PTPRK: variants seen among roughly 807,000 people sequenced by gnomAD.
PTPRK encodes the protein protein tyrosine phosphatase receptor type K.
Under a neutral mutation model 178.0 loss-of-function variants are expected in PTPRK, and 75 were observed. That is an observed-to-expected ratio of 0.42 (90% confidence interval 0.35 to 0.51). The LOEUF (loss-of-function observed/expected upper bound fraction) is 0.51, where lower values mean the gene tolerates loss of function less well. Among genes scored for constraint, PTPRK ranks in the 20% least tolerant of loss-of-function variants. The pLI, the probability that PTPRK is intolerant of heterozygous loss-of-function variation, is 0.02. For missense variants in PTPRK, 1,441 were observed against 1,797.8 expected (o/e 0.80, Z 3.59); for synonymous variants, 637 against 620.6 (o/e 1.03, Z -0.39).
chr6:128,033,157 G>A (rs1775635805), intron 13 of PTPRK, among the ~76,000 whole-genome samples: 1 of 152,144 alleles, frequency 6.6e-6, no homozygotes, highest in African/African-American at 2.4e-5. Flanking sequence ...TATACTCCCT[G>A]AGTAATAACT....
chr6:128,028,132 A>G (rs544662504), intron 13 of PTPRK, among the ~76,000 whole-genome samples: 34 of 152,196 alleles, frequency 2.2e-4, no homozygotes, highest in Non-Finnish European at 4.3e-4. Context: ...TGCACACACT[A>G]TTTATAATAA....
intron 3 of PTPRK, among the ~76,000 whole-genome samples, chr6:128,285,041 A>T (rs1583899133): frequency 6.6e-6 from 1 of 152,196 alleles, no homozygotes; most frequent in African/African-American, 2.4e-5. Context: ...CTCAGTTTAC[A>T]TACCAATACT....
At position 128,116,971 on chromosome 6, in the gene PTPRK, C is replaced by G. The variant is rs530927911; in HGVS notation, c.1163-26979G>C. Reference sequence around the variant, plus strand: ...ACCATCCTGGCTAATATGGTGAAACCCTGTCTCTACTAAAAATACAAAAAA... The same window carrying G: ...ACCATCCTGGCTAATATGGTGAAACGCTGTCTCTACTAAAAATACAAAAAA... On this transcript the variant is annotated intron_variant, in intron 7 of 29. Transcript: ENST00000368226. Among the ~76,000 whole-genome samples, 6 of 152,044 alleles carry G rather than the reference C, an allele frequency of 3.9e-5. No homozygotes were observed. The South Asian group carries it at 1.0e-3, about 26-fold the overall frequency.
intron 1 of PTPRK, among the ~76,000 whole-genome samples, chr6:128,410,206 C>A (rs1253065105): frequency 6.6e-6 from 1 of 152,178 alleles, no homozygotes; most frequent in Admixed American, 6.5e-5. Context: ...AAGATTCTTT[C>A]ATGAAATGCA....
intron 7 of PTPRK, among the ~76,000 whole-genome samples, chr6:128,118,066 A>C (rs900253204): frequency 3.3e-5 from 5 of 152,238 alleles, no homozygotes; most frequent in Non-Finnish European, 7.3e-5. Context: ...TATGGAAAAC[A>C]CAAGAAACCC....
chr6:128,462,563 G>A (rs1332462514), intron 1 of PTPRK, among the ~76,000 whole-genome samples: 1 of 152,004 alleles, frequency 6.6e-6, no homozygotes, highest in Non-Finnish European at 1.5e-5. Context: ...TAGAAAGGAT[G>A]AGGAACATGA....
chr6:128,469,029 C>T (rs900456728), intron 1 of PTPRK, among the ~76,000 whole-genome samples: 17 of 150,530 alleles, frequency 1.1e-4, no homozygotes, highest in Admixed American at 4.6e-4. Flanking sequence ...TTTTTTGAAA[C>T]GAAGTATTTA....
intron 11 of PTPRK, among the ~76,000 whole-genome samples, chr6:128,069,344 C>T (rs891284603): frequency 1.3e-5 from 2 of 152,020 alleles, no homozygotes; most frequent in Admixed American, 6.6e-5. Context: ...TGCATCATTC[C>T]CTATACCTCT....
intron 2 of PTPRK, among the ~76,000 whole-genome samples, chr6:128,349,660 T>C (rs1351822024): frequency 6.6e-6 from 1 of 151,960 alleles, no homozygotes; most frequent in African/African-American, 2.4e-5. Context: ...AATAAAAAAA[T>C]CATTGTGTCA....
chr6:128,404,800 G>GA, intron 1 of PTPRK, among the ~76,000 whole-genome samples: 1 of 152,236 alleles, frequency 6.6e-6, no homozygotes, highest in East Asian at 1.9e-4. Flanking sequence ...CCCCAAAGAA[G>GA]AAAAAATGAA....
chr6:128,101,985 T>C (rs1391356675), intron 7 of PTPRK, among the ~76,000 whole-genome samples: 1 of 152,190 alleles, frequency 6.6e-6, no homozygotes, highest in Non-Finnish European at 1.5e-5. Context: ...GTACCTTTAT[T>C]AAAGCATTTA....
At chr6:128,468,431 GACAAT>G (rs71543137) in intron 1 of PTPRK, among the ~76,000 whole-genome samples, 2,518 of 151,796 alleles carry the variant, frequency 0.017, 27 homozygotes, top group Non-Finnish European at 0.027. Flanking sequence ...TTAAGAGCCT[GACAAT>G]ACAATACAAT....
intron 2 of PTPRK, among the ~76,000 whole-genome samples, chr6:128,342,563 CAAA>C (rs879599225): frequency 7.1e-6 from 1 of 140,310 alleles, no homozygotes. Flanking sequence ...ACAGTTATGA[CAAA>C]AAAAAAAAGG....
intron 17 of PTPRK, 32 bp from the exon 18 acceptor site, chr6:127,995,570 T>A (rs771666229): frequency 7.4e-7 from 1 of 1,346,978 alleles, no homozygotes; most frequent in Non-Finnish European, 1.0e-6. Flanking sequence ...TATAAGCTGT[T>A]AAATTTTCCC....
chr6:128,397,474 C>T (rs547708796), intron 2 of PTPRK, 92 bp downstream of exon 2: 7 of 1,466,668 alleles, frequency 4.8e-6, no homozygotes, highest in South Asian at 2.5e-5. Flanking sequence ...CTTATTATAA[C>T]CATTAAATTA....
chr6:128,281,339 A>G (rs971784245), intron 3 of PTPRK, among the ~76,000 whole-genome samples: 1 of 152,228 alleles, frequency 6.6e-6, no homozygotes, highest in Non-Finnish European at 1.5e-5. Context: ...CACTTATCCA[A>G]AAATGATCTG....
chr6:127,972,963 T>C (rs1583460111), intron 29 of PTPRK, 59 bp downstream of exon 29: 1 of 1,527,142 alleles, frequency 6.5e-7, no homozygotes. Context: ...AATCAATAAG[T>C]AGGTATATGA....
rs1331338366 is a variant in PTPRK, at chr6:128,133,337, T to C, written c.1163-43345A>G. Among the ~76,000 whole-genome samples, 5 of 152,190 alleles carry C rather than the reference T, an allele frequency of 3.3e-5. No homozygotes were observed. In the East Asian group the frequency reaches 9.6e-4, roughly 29 times the overall value. ...AAAGTAAATATCAAAAAGAACACAT[T>C]TTCATATATGACATATATAAATGAT... is the stretch of plus-strand genomic sequence containing the variant. On this transcript the variant is annotated intron_variant, in intron 7 of 29. Transcript: ENST00000368226.
At chr6:128,151,587 T>C (rs1273170862) in intron 7 of PTPRK, among the ~76,000 whole-genome samples, 4 of 151,938 alleles carry the variant, frequency 2.6e-5, no homozygotes, top group Admixed American at 2.0e-4. Flanking sequence ...CACACACATA[T>C]ACACACCTAT....
Sources: allele counts gnomAD v4.1 joint callset (sites outside exome capture counted in the v4.1 genomes callset), GRCh38; gene constraint gnomAD v4.1.1; transcripts MANE v1.5; gene names NCBI Gene and HGNC (gene_info 2026-07-23, HGNC 2026-07-21).